CTNNA3: variants seen among roughly 807,000 people sequenced by gnomAD.
The protein encoded by CTNNA3 is catenin alpha 3.
A neutral mutation model predicts 95.7 loss-of-function variants in CTNNA3; 76 were observed. That is an observed-to-expected ratio of 0.79 (90% CI 0.66 to 0.96). The LOEUF is 0.96. CTNNA3 is among the 40% of genes least tolerant of loss of function. The probability of loss-of-function intolerance (pLI) is 0.00; values close to 1 mark genes in which losing one functional copy is unlikely to be tolerated. For missense variants in CTNNA3, 1,191 were observed against 1,089.8 expected (o/e 1.09, Z -1.31); for synonymous variants, 431 against 374.4 (o/e 1.15, Z -1.74).
intron 7 of CTNNA3, among the ~76,000 whole-genome samples, chr10:66,994,963 C>T (rs1187095916): frequency 6.6e-6 from 1 of 152,152 alleles, no homozygotes; most frequent in Admixed American, 6.6e-5. Flanking sequence ...TGGAACTCTC[C>T]ACAAGGTCTA....
intron 5 of CTNNA3, among the ~76,000 whole-genome samples, chr10:67,279,053 G>C (rs1361298012): frequency 6.6e-6 from 1 of 152,076 alleles, no homozygotes; most frequent in Non-Finnish European, 1.5e-5. Context: ...GAATGCAAAG[G>C]TGGTGTTGAG....
At chr10:67,290,189 C>T (rs1357888215) in intron 5 of CTNNA3, among the ~76,000 whole-genome samples, 1 of 152,146 alleles carries the variant, frequency 6.6e-6, no homozygotes, top group African/African-American at 2.4e-5. Flanking sequence ...TCCAGTGATT[C>T]CCTGCTTACA....
intron 7 of CTNNA3, among the ~76,000 whole-genome samples, chr10:66,962,912 G>A (rs988919972): frequency 3.3e-5 from 5 of 152,058 alleles, no homozygotes; most frequent in Non-Finnish European, 7.4e-5. Context: ...ATTTTTGCCT[G>A]GTATGTTCAC....
chr10:66,786,204 C>A (rs1840733851), intron 7 of CTNNA3, among the ~76,000 whole-genome samples: 1 of 152,068 alleles, frequency 6.6e-6, no homozygotes, highest in African/African-American at 2.4e-5. Flanking sequence ...AAGCCTTGTT[C>A]ATAGCTATAT....
At position 66,978,512 on chromosome 10, in the gene CTNNA3, G is replaced by A. The variant is rs182191663; in HGVS notation, c.1047+201805C>T. ...ACTGCACTCCAGCCTGGATGATAGAGTGAGACTCCATCTCAAAAAAAAAAA... is the reference window on the plus strand; with the variant it reads ...ACTGCACTCCAGCCTGGATGATAGAATGAGACTCCATCTCAAAAAAAAAAA... On this transcript the variant is annotated intron_variant, in intron 7 of 17. Coordinates refer to ENST00000433211, the MANE Select transcript of CTNNA3 (RefSeq NM_013266.4). 8.7e-3 allele frequency among the ~76,000 whole-genome samples: 634 copies of A among 72,602 alleles called. 7 individuals carry two copies. Among genetic ancestry groups the A allele is most frequent in the African/African-American group, 0.027 (605 of 22,392 alleles). 47.6% of individuals were successfully genotyped at this position (72,602 alleles called of 152,430 possible). A position where few individuals can be genotyped will look rare whatever the true frequency, so the allele number is the denominator to read the frequency against.
chr10:66,536,833 T>C (rs1589390676), intron 10 of CTNNA3, among the ~76,000 whole-genome samples: 1 of 152,188 alleles, frequency 6.6e-6, no homozygotes, highest in Non-Finnish European at 1.5e-5. Flanking sequence ...AATTATACAC[T>C]GTAGTTCTTT....
chr10:65,930,654 G>C (rs2077238969), intron 17 of CTNNA3, among the ~76,000 whole-genome samples: 1 of 152,006 alleles, frequency 6.6e-6, no homozygotes, highest in Non-Finnish European at 1.5e-5. Flanking sequence ...TATTGAGTAT[G>C]CTTAAAAAAT....
chr10:67,742,928 T>C (rs1430947408), intron 1 of CTNNA3, among the ~76,000 whole-genome samples: 1 of 151,330 alleles, frequency 6.6e-6, no homozygotes, highest in Admixed American at 6.6e-5. Flanking sequence ...CCTCTACGCA[T>C]ATATCCTCCC....
At chr10:66,410,905 A>T (rs1272753250) in intron 11 of CTNNA3, among the ~76,000 whole-genome samples, 1 of 152,156 alleles carries the variant, frequency 6.6e-6, no homozygotes, top group East Asian at 1.9e-4. Flanking sequence ...AACCAGCGGA[A>T]CTCTTAAAGG....
chr10:67,238,007 G>C (rs2093808614), intron 5 of CTNNA3, among the ~76,000 whole-genome samples: 1 of 152,118 alleles, frequency 6.6e-6, no homozygotes, highest in Non-Finnish European at 1.5e-5. Flanking sequence ...ATGGGAGTAG[G>C]GAAGAGAAGA....
At chr10:66,597,507 CATACATATAT>C (rs1404089590) in intron 10 of CTNNA3, among the ~76,000 whole-genome samples, 39 of 79,618 alleles carry the variant, frequency 4.9e-4, no homozygotes, top group East Asian at 1.8e-3. Context: ...CATTTTATTT[CATACATATAT>C]ATATATATAT....
chr10:66,602,164 T>C (rs1054147181), intron 10 of CTNNA3, among the ~76,000 whole-genome samples: 1 of 151,866 alleles, frequency 6.6e-6, no homozygotes, highest in African/African-American at 2.4e-5. Flanking sequence ...TTAGGATCTA[T>C]GGGCATGGGT....
chr10:66,478,934 C>T (rs1839418282), intron 11 of CTNNA3, among the ~76,000 whole-genome samples: 1 of 151,684 alleles, frequency 6.6e-6, no homozygotes, highest in Non-Finnish European at 1.5e-5. Flanking sequence ...TACCATTTTC[C>T]CCCTTATAGA....
intron 7 of CTNNA3, among the ~76,000 whole-genome samples, chr10:66,885,786 A>T (rs1465463646): frequency 6.6e-6 from 1 of 152,180 alleles, no homozygotes; most frequent in Non-Finnish European, 1.5e-5. Flanking sequence ...AAGAAAAATA[A>T]GAAAATAATT....
chr10:67,045,708 G>A (rs1854696634), intron 7 of CTNNA3, among the ~76,000 whole-genome samples: 1 of 152,160 alleles, frequency 6.6e-6, no homozygotes, highest in Admixed American at 6.5e-5. Flanking sequence ...GGGATAGCGG[G>A]GGACCGACAT....
At chr10:66,294,132 T>A (rs566287784) in intron 12 of CTNNA3, among the ~76,000 whole-genome samples, 1 of 152,202 alleles carries the variant, frequency 6.6e-6, no homozygotes, top group Admixed American at 6.5e-5. Context: ...ATAGTGATTG[T>A]CTAATCATCA....
chr10:67,731,800 CAA>C (rs199645393), intron 1 of CTNNA3, among the ~76,000 whole-genome samples: 29 of 103,514 alleles, frequency 2.8e-4, no homozygotes, highest in Non-Finnish European at 3.8e-4. Context: ...GACTCCGTCT[CAA>C]AAAAAAAAAA....
chr10:66,264,831 C>G (rs2091106240), intron 13 of CTNNA3, among the ~76,000 whole-genome samples: 1 of 151,920 alleles, frequency 6.6e-6, no homozygotes, highest in African/African-American at 2.4e-5. Flanking sequence ...TTGGTGAGAA[C>G]TGAAAACGAC....
chr10:67,756,875 C>A (rs1841436452), intron 1 of CTNNA3, among the ~76,000 whole-genome samples: 1 of 152,034 alleles, frequency 6.6e-6, no homozygotes, highest in South Asian at 2.1e-4. Context: ...TTATCATGTA[C>A]ACAGTTACAG....
Sources: gnomAD v4.1 joint callset for allele counts (sites outside exome capture counted in the v4.1 genomes callset) on GRCh38, gnomAD v4.1.1 for gene constraint, MANE v1.5 for transcripts, NCBI Gene and HGNC (gene_info 2026-07-23, HGNC 2026-07-21) for gene names.